Variants in INPP5F observed in about 807,000 individuals in gnomAD.
INPP5F encodes the protein phosphatidylinositide 4-phosphatase SAC2.
Under a neutral mutation model 137.2 loss-of-function variants are expected in INPP5F, and 97 were observed. That is an observed-to-expected ratio of 0.71 (90% CI 0.60 to 0.84). The LOEUF (loss-of-function observed/expected upper bound fraction) is 0.84, where lower values mean the gene tolerates loss of function less well. Ranked by LOEUF, INPP5F falls within the 40% of genes least tolerant of loss-of-function variation. The pLI, the probability that INPP5F is intolerant of heterozygous loss-of-function variation, is 0.00. For missense variants in INPP5F, 1,271 were observed against 1,371.9 expected, an observed-to-expected ratio of 0.93 and a Z score of 1.16; for synonymous variants, 504 against 476.9, an observed-to-expected ratio of 1.06 and a Z score of -0.74.
chr10:119,800,712 G>A (rs561780711), intron 9 of INPP5F, among the ~76,000 whole-genome samples: 2 of 152,090 alleles, frequency 1.3e-5, no homozygotes, highest in South Asian at 2.1e-4. Context: ...AATTAAAGCC[G>A]CTACTCAACA....
At position 119,774,261 on chromosome 10, in the gene INPP5F, CAAAAAA is replaced by C. The variant is rs572329987; in HGVS notation, c.179-7357_179-7352del. Among the ~76,000 whole-genome samples the C allele has an allele frequency of 2.0e-3, 161 of 82,128 alleles. 1 individual carries two copies. The highest frequency in any genetic ancestry group is 7.4e-3 in the African/African-American group (154 of 20,862). The allele number at this position is 82,128 out of a possible 152,430, so 53.9% of individuals were successfully genotyped here. ...TGGCGACAGAGGGAGACTCAGTCTCCAAAAAAAAAAAAAAAAAAAAAACTCCCTAGA... is the reference window on the plus strand; with the variant it reads ...TGGCGACAGAGGGAGACTCAGTCTCCAAAAAAAAAAAAAAAACTCCCTAGA... On this transcript the variant is annotated intron_variant, in intron 2 of 19. Transcript: ENST00000650623.
chr10:119,772,527 G>A (rs1014302481), intron 2 of INPP5F, among the ~76,000 whole-genome samples: 2 of 151,992 alleles, frequency 1.3e-5, no homozygotes, highest in African/African-American at 4.8e-5. Flanking sequence ...ACCCAGATAT[G>A]TTTCATTTTT....
At chr10:119,778,041 C>G (rs1263947555) in intron 2 of INPP5F, among the ~76,000 whole-genome samples, 1 of 152,112 alleles carries the variant, frequency 6.6e-6, no homozygotes, top group Non-Finnish European at 1.5e-5. Context: ...GGGTCTCACT[C>G]TCTTGCCCAG....
chr10:119,811,075 C>T (rs1851010083), intron 14 of INPP5F, among the ~76,000 whole-genome samples: 1 of 152,156 alleles, frequency 6.6e-6, no homozygotes, highest in South Asian at 2.1e-4. Flanking sequence ...ATCTTACTTC[C>T]ATTCGTTGAC....
At chr10:119,796,440 G>A (rs1319356589) in intron 6 of INPP5F, among the ~76,000 whole-genome samples, 1 of 152,146 alleles carries the variant, frequency 6.6e-6, no homozygotes, top group African/African-American at 2.4e-5. Flanking sequence ...GGACAGCGAC[G>A]GCAAGGGTGA....
intron 2 of INPP5F, among the ~76,000 whole-genome samples, chr10:119,779,493 T>C (rs1849635466): frequency 6.6e-6 from 1 of 152,032 alleles, no homozygotes; most frequent in South Asian, 2.1e-4. Flanking sequence ...GACCATGGCT[T>C]ATTGCAGCAT....
At chr10:119,734,019 A>G (rs1431895833) in intron 1 of INPP5F, among the ~76,000 whole-genome samples, 3 of 152,204 alleles carry the variant, frequency 2.0e-5, no homozygotes, top group Admixed American at 6.5e-5. Flanking sequence ...TATAAGAACA[A>G]AAGACTAGAA....
chr10:119,728,016 A>C (rs1164028068), intron 1 of INPP5F, among the ~76,000 whole-genome samples: 2 of 152,206 alleles, frequency 1.3e-5, no homozygotes, highest in Non-Finnish European at 2.9e-5. Context: ...TCTACACCCC[A>C]GTTTCTTGAA....
Position 119,820,769 on chromosome 10 carries a change from TC to T in INPP5F, c.1887-76del, listed in dbSNP as rs1175175194. The stretch of plus-strand genomic sequence containing the variant: ...TGGCCAATTTTTTGTCCTAAGTAGC[TC>T]TGCTGTAGAAATATGCTTGGCAAAA... On this transcript the variant is annotated intron_variant, in intron 15 of 19. Coordinates refer to ENST00000650623, the MANE Select transcript of INPP5F (RefSeq NM_014937.4). 3.4e-6 allele frequency: 4 copies of T among 1,184,698 alleles called. No homozygotes were observed. In the African/African-American group the frequency reaches 4.5e-5, roughly 13 times the overall value. 73.4% of individuals were successfully genotyped at this position (1,184,698 alleles called of 1,614,324 possible). A position where few individuals can be genotyped will look rare whatever the true frequency, so the allele number is the denominator to read the frequency against.
At chr10:119,778,835 A>C (rs1294538723) in intron 2 of INPP5F, among the ~76,000 whole-genome samples, 1 of 152,056 alleles carries the variant, frequency 6.6e-6, no homozygotes. Flanking sequence ...TTTTTAATAG[A>C]GTTGGATTTG....
chr10:119,827,709 A>G lies in INPP5F; in HGVS notation c.3328A>G (p.Ile1110Val), dbSNP rs768057256. 3.1e-6 allele frequency: 5 copies of G among 1,613,900 alleles called. No homozygotes were observed. Among genetic ancestry groups the G allele is most frequent in the Non-Finnish European group, 4.2e-6 (5 of 1,179,780 alleles). The stretch of plus-strand genomic sequence containing the variant: ...GAAGAGTCCTCCAGAACCTGAAATC[A>G]TTAATCAAGTCCAGCAAAATGAACT... Reference protein sequence around the residue: ...VQKSPPEPEIINQVQQNELKK... With the variant: ...VQKSPPEPEIVNQVQQNELKK... Residue 1110 changes from isoleucine to valine, a missense_variant, in exon 20 of 20, where the codon ATT becomes GTT. Ile to Val is a conservative substitution (Grantham distance 29, BLOSUM62 3). Around this residue, in one of 6 missense-constraint regions of INPP5F, gnomAD observed 490 missense variants for 443.7 expected, o/e 1.10. Transcript: ENST00000650623.
At chr10:119,802,675 T>A (rs532183122) in intron 9 of INPP5F, among the ~76,000 whole-genome samples, 10 of 152,206 alleles carry the variant, frequency 6.6e-5, no homozygotes, top group Non-Finnish European at 1.3e-4. Flanking sequence ...AGAACGCATT[T>A]TATATATTTT....
chr10:119,795,596 G>C (rs1419830535), intron 6 of INPP5F, among the ~76,000 whole-genome samples: 1 of 151,206 alleles, frequency 6.6e-6, no homozygotes, highest in Non-Finnish European at 1.5e-5. Flanking sequence ...TTTCCAGACT[G>C]GGCAGCCAGG....
intron 13 of INPP5F, among the ~76,000 whole-genome samples, chr10:119,808,700 C>G (rs911672866): frequency 6.6e-5 from 10 of 152,280 alleles, no homozygotes; most frequent in Middle Eastern, 3.4e-3. Flanking sequence ...AAAATATATT[C>G]TCTAGTAAAT....
At chr10:119,795,943 C>T (rs1470119942) in intron 6 of INPP5F, among the ~76,000 whole-genome samples, 8 of 152,070 alleles carry the variant, frequency 5.3e-5, no homozygotes, top group African/African-American at 1.4e-4. Flanking sequence ...TCAGGCGTGG[C>T]GGCGCGCGCC....
At chr10:119,746,630 A>G (rs900242071) in intron 1 of INPP5F, among the ~76,000 whole-genome samples, 1 of 152,264 alleles carries the variant, frequency 6.6e-6, no homozygotes, top group Non-Finnish European at 1.5e-5. Context: ...GCCAAAAGAT[A>G]TAAAAATTAA....
rs1589653238 is a variant in INPP5F, at chr10:119,727,219, T to G, written c.97+860T>G. On this transcript the variant is annotated intron_variant, in intron 1 of 19. Coordinates refer to ENST00000650623, the MANE Select transcript of INPP5F (RefSeq NM_014937.4). ...ATATCACTCAGAGATTCTTCCACTT[T>G]AGGGAAAGCGAGAGGATAGAGTTCT... Among the ~76,000 whole-genome samples, 4 of 152,326 alleles carry G rather than the reference T, an allele frequency of 2.6e-5. No individual in the cohort carries two copies. In the East Asian group the frequency reaches 7.7e-4, roughly 29 times the overall value.
At chr10:119,761,317 C>A (rs1201625334) in intron 2 of INPP5F, among the ~76,000 whole-genome samples, 1 of 152,120 alleles carries the variant, frequency 6.6e-6, no homozygotes, top group African/African-American at 2.4e-5. Context: ...AGGAACAGAG[C>A]AACCAGTCAG....
At chr10:119,771,192 TAAATG>T (rs1486863464) in intron 2 of INPP5F, among the ~76,000 whole-genome samples, 1 of 152,228 alleles carries the variant, frequency 6.6e-6, no homozygotes, top group African/African-American at 2.4e-5. Flanking sequence ...ATATTTCACA[TAAATG>T]AAATCATACA....
Sources: gnomAD v4.1 joint callset for allele counts (sites outside exome capture counted in the v4.1 genomes callset) on GRCh38, gnomAD v4.1.1 for gene constraint, gnomAD v4.1.1 regional missense constraint, MANE v1.5 for transcripts, NCBI Gene and HGNC (gene_info 2026-07-23, HGNC 2026-07-21) for gene names.